CHLSN: variants seen among roughly 807,000 people sequenced by gnomAD.
The protein encoded by CHLSN is cholesin.
At chr7:1,032,291 T>C in the CHLSN span, among the ~76,000 whole-genome samples, 1 of 152,194 alleles carries the variant, frequency 6.6e-6, no homozygotes, top group Non-Finnish European at 1.5e-5. Flanking sequence ...CCCCCGCAGG[T>C]GGATCTGCTG....
the CHLSN span, chr7:1,093,538 C>G: frequency 5.3e-5 from 25 of 471,020 alleles, no homozygotes; most frequent in Admixed American, 5.6e-4. Flanking sequence ...GTGGAGCGCC[C>G]GCCGTCTGCT....
At chr7:1,041,561 G>T in the CHLSN span, among the ~76,000 whole-genome samples, 1 of 152,330 alleles carries the variant, frequency 6.6e-6, no homozygotes, top group Non-Finnish European at 1.5e-5. Flanking sequence ...ATGACATGCT[G>T]TCTCACTTAT....
chr7:984,546 C>T, the CHLSN span: 1 of 1,559,732 alleles, frequency 6.4e-7, no homozygotes, highest in Middle Eastern at 1.7e-4. Context: ...CTCCCATCGC[C>T]ATCTTCCAGC....
At chr7:1,015,245 G>C in the CHLSN span, among the ~76,000 whole-genome samples, 1 of 152,262 alleles carries the variant, frequency 6.6e-6, no homozygotes, top group African/African-American at 2.4e-5. Context: ...GGGAAGAGGC[G>C]TGGCCTCCCT....
chr7:1,016,214 C>T, the CHLSN span, among the ~76,000 whole-genome samples: 7 of 77,932 alleles, frequency 9.0e-5, no homozygotes, highest in Admixed American at 2.6e-4. Flanking sequence ...CGCCAGCACA[C>T]AGCAGCACAC....
At chr7:1,040,182 T>TAAAAAAAAAAAAAAAAAAAAAAAA in the CHLSN span, among the ~76,000 whole-genome samples, 1 of 96,060 alleles carries the variant, frequency 1.0e-5, no homozygotes, top group African/African-American at 4.0e-5. Context: ...AAAAATAAAT[T>TAAAAAAAAAAAAAAAAAAAAAAAA]TAAAAAAAAA....
At chr7:1,051,979 A>G in the CHLSN span, among the ~76,000 whole-genome samples, 1 of 152,246 alleles carries the variant, frequency 6.6e-6, no homozygotes, top group South Asian at 2.1e-4. Context: ...TCCTGGCTCC[A>G]AACAGAAAAA....
At chr7:1,100,909 A>C in the CHLSN span, among the ~76,000 whole-genome samples, 1 of 152,234 alleles carries the variant, frequency 6.6e-6, no homozygotes, top group African/African-American at 2.4e-5. Flanking sequence ...GAGATGGGAG[A>C]GGCCACAGAC....
chr7:1,016,887 C>A, the CHLSN span, among the ~76,000 whole-genome samples: 1 of 127,750 alleles, frequency 7.8e-6, no homozygotes, highest in Non-Finnish European at 1.6e-5. Context: ...CAGCAGCACA[C>A]ACCAGCGCAC....
the CHLSN span, among the ~76,000 whole-genome samples, chr7:1,098,711 G>A: frequency 0.017 from 2,559 of 151,812 alleles, 90 homozygotes; most frequent in East Asian, 0.17. Context: ...TGCCACGCTT[G>A]GTGAGATAAA....
chr7:1,108,413 G>C, the CHLSN span, among the ~76,000 whole-genome samples: 62 of 152,036 alleles, frequency 4.1e-4, no homozygotes, highest in African/African-American at 1.3e-3. Flanking sequence ...GGAAGCAGAG[G>C]GGGGCTGCTC....
At chr7:1,018,460 C>T in the CHLSN span, among the ~76,000 whole-genome samples, 498 of 152,176 alleles carry the variant, frequency 3.3e-3, 4 homozygotes, top group African/African-American at 0.011. Context: ...GATGAGGAGA[C>T]ATGACGAGGG....
the CHLSN span, among the ~76,000 whole-genome samples, chr7:1,122,715 A>T: frequency 1.3e-5 from 2 of 152,174 alleles, no homozygotes; most frequent in African/African-American, 2.4e-5. Context: ...CAGGCCTGGA[A>T]GGGTTAAAGG....
the CHLSN span, chr7:989,531 A>G: frequency 0.022 from 3,416 of 153,280 alleles, 128 homozygotes; most frequent in African/African-American, 0.077. Context: ...CTGTAATCCC[A>G]GCACTTTGGG....
chr7:1,090,609 A>G, the CHLSN span, among the ~76,000 whole-genome samples: 3 of 148,276 alleles, frequency 2.0e-5, no homozygotes, highest in East Asian at 2.0e-4. Flanking sequence ...CGGCAGAGCC[A>G]GGGTGACACG....
the CHLSN span, chr7:986,448 C>T: frequency 2.9e-6 from 2 of 694,352 alleles, no homozygotes; most frequent in South Asian, 3.8e-5. Flanking sequence ...AGGGGGTTTC[C>T]TGGCAGTTCC....
At chr7:1,078,698 G>A in the CHLSN span, among the ~76,000 whole-genome samples, 2 of 152,336 alleles carry the variant, frequency 1.3e-5, no homozygotes, top group African/African-American at 4.8e-5. Flanking sequence ...GAAAACCTGG[G>A]CTTCGCTGCC....
the CHLSN span, among the ~76,000 whole-genome samples, chr7:1,001,574 G>T: frequency 2.4e-4 from 33 of 136,576 alleles, no homozygotes; most frequent in Non-Finnish European, 3.5e-4. Flanking sequence ...TGGGTGGGGA[G>T]TCCTGTGGGT....
At chr7:1,108,572 G>A in the CHLSN span, among the ~76,000 whole-genome samples, 1 of 152,202 alleles carries the variant, frequency 6.6e-6, no homozygotes, top group Non-Finnish European at 1.5e-5. Flanking sequence ...CTGATTCTGT[G>A]CGGATGGCTT....
Sources: allele counts gnomAD v4.1 joint callset (sites outside exome capture counted in the v4.1 genomes callset), GRCh38; gene constraint gnomAD v4.1.1; transcripts MANE v1.5; gene names NCBI Gene and HGNC (gene_info 2026-07-23, HGNC 2026-07-21).